The following ZMYND8 variants were observed in gnomAD, a reference collection of about 807,000 sequenced individuals.
ZMYND8 encodes MYND-type zinc finger-containing chromatin reader ZMYND8.
A neutral mutation model predicts 140.8 loss-of-function variants in ZMYND8; 37 were observed. The ratio of observed to expected loss-of-function variants is 0.26; its 90% confidence interval spans 0.20 to 0.35. ZMYND8 has a LOEUF of 0.35. Ranked by LOEUF, ZMYND8 falls within the 10% of genes least tolerant of loss-of-function variation. The pLI is 1.00. For synonymous variants in ZMYND8, 592 were observed against 597.1 expected (o/e 0.99, Z 0.12); for missense variants, 1,068 against 1,570.0 (o/e 0.68, Z 5.40).
chr20:47,321,571 C>G (rs73304087), intron 2 of ZMYND8, among the ~76,000 whole-genome samples: 2,964 of 152,292 alleles, frequency 0.019, 100 homozygotes, highest in African/African-American at 0.067. Flanking sequence ...AACACACCAC[C>G]CACAGAGGTG....
chr20:47,229,035 T>C (rs1024027974), intron 17 of ZMYND8, among the ~76,000 whole-genome samples: 7 of 151,616 alleles, frequency 4.6e-5, no homozygotes, highest in African/African-American at 1.7e-4. Flanking sequence ...TCATTCTGTC[T>C]CCCAGGCTAG....
At chr20:47,354,715 C>G (rs534236587) in intron 1 of ZMYND8, 3 of 152,150 alleles carry the variant, frequency 2.0e-5, no homozygotes, top group Non-Finnish European at 4.4e-5. Flanking sequence ...GAATATATTT[C>G]CTGCATTTAC....
intron 10 of ZMYND8, among the ~76,000 whole-genome samples, chr20:47,281,465 C>T (rs1395894392): frequency 3.3e-5 from 5 of 152,204 alleles, no homozygotes; most frequent in African/African-American, 1.2e-4. Context: ...AAGATATTAA[C>T]CGCTGCTCAT....
chr20:47,277,905 T>G (rs2076356888), intron 10 of ZMYND8, among the ~76,000 whole-genome samples: 1 of 152,066 alleles, frequency 6.6e-6, no homozygotes, highest in Non-Finnish European at 1.5e-5. Flanking sequence ...ACTCTTGACC[T>G]CGTGATCCAC....
intron 1 of ZMYND8, chr20:47,353,297 A>G (rs1478574730): frequency 6.6e-6 from 1 of 152,210 alleles, no homozygotes; most frequent in Non-Finnish European, 1.5e-5. Context: ...AAGGGATGAC[A>G]AGAAAGAAAG....
intron 11 of ZMYND8, among the ~76,000 whole-genome samples, chr20:47,266,604 C>A (rs2075546149): frequency 6.6e-6 from 1 of 152,068 alleles, no homozygotes; most frequent in African/African-American, 2.4e-5. Flanking sequence ...TCCTCCTTTG[C>A]TCTCATGCCT....
intron 12 of ZMYND8, among the ~76,000 whole-genome samples, chr20:47,256,462 T>C (rs938312747): frequency 6.6e-6 from 1 of 150,446 alleles, no homozygotes; most frequent in Admixed American, 6.6e-5. Flanking sequence ...TACTAAAAAA[T>C]ACAAAAAATT....
chr20:47,233,215 T>C (rs937315813), intron 16 of ZMYND8, among the ~76,000 whole-genome samples: 9 of 148,656 alleles, frequency 6.1e-5, no homozygotes, highest in African/African-American at 1.8e-4. Flanking sequence ...CTTTTTTTTT[T>C]TTTTTTTTTT....
rs2147147796 is a variant in ZMYND8, at chr20:47,236,231, A to G, written c.2856+95T>C. 4 of 1,472,246 alleles carry G rather than the reference A, an allele frequency of 2.7e-6. No individual in the cohort carries two copies. In the South Asian group the frequency reaches 4.9e-5, roughly 18 times the overall value. The allele number at this position is 1,472,246 out of a possible 1,614,324, so 91.2% of individuals were successfully genotyped here. A position where few individuals can be genotyped will look rare whatever the true frequency, so the allele number is the denominator to read the frequency against. Reference sequence around the variant, plus strand: ...AGGGTCTTCACTCCCTAAAGACTGCAAGGTTAAGACGCTCACGCTTCCCCT... The same window carrying G: ...AGGGTCTTCACTCCCTAAAGACTGCGAGGTTAAGACGCTCACGCTTCCCCT... On this transcript the variant is annotated intron_variant, in intron 16 of 22. Transcript: ENST00000471951.
intron 5 of ZMYND8, among the ~76,000 whole-genome samples, 163 bp from the exon 6 acceptor site, chr20:47,292,051 T>G (rs1414470698): frequency 5.9e-5 from 9 of 152,248 alleles, no homozygotes; most frequent in Admixed American, 5.9e-4. Flanking sequence ...TTGGTCTACC[T>G]TCTAATTCTG....
At chr20:47,234,457 A>G (rs1373037782) in intron 16 of ZMYND8, among the ~76,000 whole-genome samples, 1 of 152,236 alleles carries the variant, frequency 6.6e-6, no homozygotes, top group Non-Finnish European at 1.5e-5. Context: ...CTTGCCTGCC[A>G]CCACCTAAAT....
chr20:47,285,310 T>C (rs1237979970), intron 8 of ZMYND8, among the ~76,000 whole-genome samples: 1 of 152,194 alleles, frequency 6.6e-6, no homozygotes, highest in Non-Finnish European at 1.5e-5. Context: ...GCTCAATAAT[T>C]ATAAGACTAA....
At chr20:47,302,590 C>T (rs2078143852) in intron 3 of ZMYND8, among the ~76,000 whole-genome samples, 3 of 152,012 alleles carry the variant, frequency 2.0e-5, no homozygotes, top group African/African-American at 7.2e-5. Flanking sequence ...ATACTCAACC[C>T]ATACTAGTCT....
At chr20:47,257,513 CACAT>C (rs1340176548) in intron 12 of ZMYND8, among the ~76,000 whole-genome samples, 3 of 151,862 alleles carry the variant, frequency 2.0e-5, no homozygotes, top group Non-Finnish European at 4.4e-5. Context: ...ACCATACACA[CACAT>C]ACATATACTC....
chr20:47,224,696 C>A, intron 18 of ZMYND8, 140 bp from the exon 19 acceptor site: 3 of 1,440,482 alleles, frequency 2.1e-6, no homozygotes, highest in South Asian at 2.6e-5. Flanking sequence ...TGGGCAATAA[C>A]CTAGCCCGAG....
chr20:47,211,462 A>G (rs758132603), intron 22 of ZMYND8, among the ~76,000 whole-genome samples: 1 of 151,882 alleles, frequency 6.6e-6, no homozygotes, highest in African/African-American at 2.4e-5. Context: ...CCCGGTAAGG[A>G]CAAGCTTATG....
intron 3 of ZMYND8, among the ~76,000 whole-genome samples, chr20:47,306,573 C>CT (rs113460565): frequency 0.17 from 22,561 of 136,414 alleles, 3,073 homozygotes; most frequent in African/African-American, 0.36. Context: ...GATTATTTGC[C>CT]TTTTTTTTTT....
At chr20:47,339,119 C>T (rs1243825205) in intron 2 of ZMYND8, among the ~76,000 whole-genome samples, 1 of 151,916 alleles carries the variant, frequency 6.6e-6, no homozygotes, top group Admixed American at 6.6e-5. Flanking sequence ...ACTACAGGCG[C>T]CCACCTCCAC....
intron 5 of ZMYND8, 140 bp from the exon 6 acceptor site, chr20:47,292,028 G>T: frequency 1.6e-6 from 1 of 615,618 alleles, no homozygotes; most frequent in South Asian, 2.6e-5. Flanking sequence ...GGATGACCGT[G>T]GGGAGCTCCA....
Sources: gnomAD v4.1 joint callset for allele counts (sites outside exome capture counted in the v4.1 genomes callset) on GRCh38, gnomAD v4.1.1 for gene constraint, MANE v1.5 for transcripts, NCBI Gene and HGNC (gene_info 2026-07-23, HGNC 2026-07-21) for gene names.